The following HKDC1 variants were observed in gnomAD, a reference collection of about 807,000 sequenced individuals.
HKDC1 encodes hexokinase domain containing 1.
A neutral mutation model predicts 96.6 loss-of-function variants in HKDC1; 66 were observed. That is an observed-to-expected ratio of 0.68 (90% CI 0.56 to 0.84). HKDC1 has a LOEUF of 0.84. Among genes scored for constraint, HKDC1 ranks in the 40% least tolerant of loss-of-function variants. The pLI, the probability that HKDC1 is intolerant of heterozygous loss-of-function variation, is 0.00. For missense variants in HKDC1, 1,211 were observed against 1,208.1 expected, an observed-to-expected ratio of 1.00 and a Z score of -0.04; for synonymous variants, 466 against 473.1, an observed-to-expected ratio of 0.98 and a Z score of 0.20.
Position 69,250,400 on chromosome 10 carries a change from A to G in HKDC1, c.1681A>G (p.Ile561Val). 1 of 1,614,050 alleles carries G rather than the reference A, an allele frequency of 6.2e-7. No individual in the cohort carries two copies. Among genetic ancestry groups the G allele is most frequent in the South Asian group, 1.1e-5 (1 of 91,082 alleles). The change falls in exon 11 of 18, where the codon ATC (isoleucine) becomes GTC (valine). Residue 561 changes from isoleucine (I) to valine (V), a missense_variant. Ile to Val is a conservative substitution (Grantham distance 29, BLOSUM62 3). Coordinates refer to ENST00000354624, the MANE Select transcript of HKDC1 (RefSeq NM_025130.4). ...GCGAATGTACAACAAGATCTTCGCC[A>G]TCCCCCTGGAGATCATGCAGGGCAC... is the stretch of plus-strand genomic sequence containing the variant. ...SVRMYNKIFA[I>V]PLEIMQGTGE...
At position 69,243,214 on chromosome 10, in the gene HKDC1, A is replaced by G. The variant is rs771567736; in HGVS notation, c.724A>G (p.Met242Val). The G allele has an allele frequency of 6.8e-6, 11 of 1,614,264 alleles. No individual in the cohort carries two copies. In the East Asian group the frequency reaches 1.3e-4, roughly 20 times the overall value. The change falls in exon 7 of 18, where the codon ATG becomes GTG. Residue 242 changes from methionine (M) to valine (V), a missense_variant. Met to Val is a conservative substitution (Grantham distance 21). Coordinates refer to ENST00000354624, the MANE Select transcript of HKDC1 (RefSeq NM_025130.4). ...TGTNACYMEDMSNIDLVEGDE... is the reference protein window; with the variant it reads ...TGTNACYMEDVSNIDLVEGDE... ...CACCAATGCGTGTTACATGGAGGACATGAGCAACATTGACCTGGTGGAGGG... is the reference window on the plus strand; with the variant it reads ...CACCAATGCGTGTTACATGGAGGACGTGAGCAACATTGACCTGGTGGAGGG...
At chr10:69,248,271 C>G (rs1314908213) in intron 9 of HKDC1, among the ~76,000 whole-genome samples, 153 bp from the exon 10 acceptor site, 3 of 152,198 alleles carry the variant, frequency 2.0e-5, no homozygotes, top group Admixed American at 2.0e-4. Flanking sequence ...GTCCCTCCCT[C>G]CTCTCATCCC....
rs1167973866 is a variant in HKDC1, at chr10:69,220,416, A to G, written c.-20A>G. 1 of 1,591,292 alleles carries G rather than the reference A, an allele frequency of 6.3e-7. No individual in the cohort carries two copies. The highest frequency in any genetic ancestry group is 2.3e-5 in the East Asian group (1 of 43,534). Reference sequence around the variant, plus strand: ...CACAGGAATCTCTGCCCATCTCAGGAGAAACCAAACTTGGGGAAAATGTTT... The same window carrying G: ...CACAGGAATCTCTGCCCATCTCAGGGGAAACCAAACTTGGGGAAAATGTTT... On this transcript the variant is annotated 5_prime_UTR_variant, in exon 1 of 18. Coordinates refer to ENST00000354624, the MANE Select transcript of HKDC1 (RefSeq NM_025130.4).
At chr10:69,222,231 CAAAG>C (rs780806166) in intron 1 of HKDC1, among the ~76,000 whole-genome samples, 4 of 152,160 alleles carry the variant, frequency 2.6e-5, no homozygotes, top group Non-Finnish European at 4.4e-5. Flanking sequence ...CAAAACAAAA[CAAAG>C]AAAGAGAGAG....
At chr10:69,224,133 G>A (rs1046202220) in intron 1 of HKDC1, among the ~76,000 whole-genome samples, 13 of 151,382 alleles carry the variant, frequency 8.6e-5, no homozygotes, top group Admixed American at 7.9e-4. Context: ...ACTGGAGCCC[G>A]GGAGGTTGAG....
intron 16 of HKDC1, among the ~76,000 whole-genome samples, chr10:69,264,090 G>A (rs868741613): frequency 7.2e-5 from 11 of 152,018 alleles, no homozygotes; most frequent in Admixed American, 1.3e-4. Context: ...CCCAGGAAGC[G>A]GGTGAGCCGA....
At chr10:69,259,766 G>A (rs2132376907) in intron 15 of HKDC1, among the ~76,000 whole-genome samples, 1 of 152,218 alleles carries the variant, frequency 6.6e-6, no homozygotes, top group Admixed American at 6.5e-5. Context: ...AGAGTGAAGG[G>A]GGAGGCGTTA....
chr10:69,224,232 G>A (rs1843113798), intron 1 of HKDC1, among the ~76,000 whole-genome samples: 1 of 151,526 alleles, frequency 6.6e-6, no homozygotes, highest in African/African-American at 2.4e-5. Flanking sequence ...TAAAATAAAA[G>A]TATTGTTATG....
chr10:69,246,784 G>T (rs1843548744), intron 8 of HKDC1, among the ~76,000 whole-genome samples: 1 of 152,212 alleles, frequency 6.6e-6, no homozygotes, highest in Admixed American at 6.5e-5. Flanking sequence ...GCTGGCCCCG[G>T]TGTGACTGCA....
At position 69,243,244 on chromosome 10, in the gene HKDC1, G is replaced by C. The variant is rs138980146; in HGVS notation, c.754G>C (p.Glu252Gln). 1.4e-4 allele frequency: 232 copies of C among 1,614,192 alleles called. No individual in the cohort carries two copies. The East Asian group carries it at 5.1e-3, about 36-fold the overall frequency. Reference protein sequence around the residue: ...MSNIDLVEGDEGRMCINTEWG... With the variant: ...MSNIDLVEGDQGRMCINTEWG... ...CAACATTGACCTGGTGGAGGGCGAC[G>C]AGGGCAGGATGTGCATCAACACAGA... Residue 252 changes from glutamate (E) to glutamine (Q), a missense_variant, in exon 7 of 18, where the codon GAG (glutamate) becomes CAG (glutamine). Glu to Gln is a conservative substitution (Grantham distance 29, BLOSUM62 2). Coordinates refer to ENST00000354624, the MANE Select transcript of HKDC1 (RefSeq NM_025130.4).
chr10:69,240,688 A>G lies in HKDC1; in HGVS notation c.628A>G (p.Thr210Ala). The change falls in exon 6 of 18, where the codon ACC becomes GCC. Residue 210 changes from threonine (T) to alanine (A), a missense_variant. Transcript: ENST00000354624. ...DVDILALVND[T>A]VGTMMTCAYD... ...GGACATCCTGGCCCTGGTCAATGACACCGTGGGGACCATGATGACCTGTGC... is the reference window on the plus strand; with the variant it reads ...GGACATCCTGGCCCTGGTCAATGACGCCGTGGGGACCATGATGACCTGTGC... 6.2e-7 allele frequency: 1 copy of G among 1,614,068 alleles called. No individual in the cohort carries two copies. Among genetic ancestry groups the G allele is most frequent in the South Asian group, 1.1e-5 (1 of 91,072 alleles).
chr10:69,249,269 C>T (rs369129706), intron 10 of HKDC1, among the ~76,000 whole-genome samples: 11 of 152,152 alleles, frequency 7.2e-5, no homozygotes, highest in East Asian at 1.9e-4. Context: ...GAGACTCTTC[C>T]GGAAATAATG....
At chr10:69,236,253 GC>G (rs1843358886) in intron 4 of HKDC1, among the ~76,000 whole-genome samples, 1 of 151,152 alleles carries the variant, frequency 6.6e-6, no homozygotes, top group African/African-American at 2.4e-5. Flanking sequence ...TATTACAGGT[GC>G]CTGCCACCAC....
rs761189703 is a variant in HKDC1, at chr10:69,243,216, G to C, written c.726G>C (p.Met242Ile). The stretch of plus-strand genomic sequence containing the variant: ...CCAATGCGTGTTACATGGAGGACAT[G>C]AGCAACATTGACCTGGTGGAGGGCG... ...TGTNACYMED[M>I]SNIDLVEGDE... The change falls in exon 7 of 18, where the codon ATG (methionine) becomes ATC (isoleucine). Residue 242 changes from methionine to isoleucine, a missense_variant. Physicochemically the swap from Met to Ile is conservative, Grantham distance 10. Coordinates refer to ENST00000354624, the MANE Select transcript of HKDC1 (RefSeq NM_025130.4). The C allele has an allele frequency of 1.9e-6, 3 of 1,614,244 alleles. No homozygotes were observed. Among genetic ancestry groups the C allele is most frequent in the Admixed American group, 1.7e-5 (1 of 60,030 alleles).
At chr10:69,255,286 G>A (rs1029581188) in intron 12 of HKDC1, among the ~76,000 whole-genome samples, 3 of 152,206 alleles carry the variant, frequency 2.0e-5, no homozygotes, top group Non-Finnish European at 4.4e-5. Flanking sequence ...AGTAAGAGAG[G>A]TTTCCCAGTT....
Position 69,248,744 on chromosome 10 carries a change from C to T in HKDC1, c.1570+16C>T, listed in dbSNP as rs749625218. 2 of 1,579,046 alleles carry T rather than the reference C, an allele frequency of 1.3e-6. No individual in the cohort carries two copies. Among genetic ancestry groups the T allele is most frequent in the Non-Finnish European group, 1.7e-6 (2 of 1,159,274 alleles). ...GACGGCACAGGTGGGCCAGCACAGC[C>T]TCCCTCTCTGAACAGCCATCCAGGG... On this transcript the variant is annotated intron_variant, in intron 10 of 17. Coordinates refer to ENST00000354624, the MANE Select transcript of HKDC1 (RefSeq NM_025130.4).
intron 1 of HKDC1, chr10:69,223,038 G>C (rs577588954): frequency 6.6e-6 from 1 of 151,992 alleles, no homozygotes; most frequent in African/African-American, 2.4e-5. Context: ...TCCCATACCA[G>C]CATGGAAACA....
chr10:69,256,826 A>G (rs183798558), intron 12 of HKDC1, among the ~76,000 whole-genome samples: 5 of 152,298 alleles, frequency 3.3e-5, no homozygotes, highest in East Asian at 3.9e-4. Flanking sequence ...AATTGCTGCA[A>G]TGATTCCACT....
At chr10:69,229,066 A>C (rs1231184824) in intron 2 of HKDC1, among the ~76,000 whole-genome samples, 5 of 152,252 alleles carry the variant, frequency 3.3e-5, no homozygotes, top group African/African-American at 1.2e-4. Context: ...GCTGAGCCAC[A>C]TATTTCCTGT....
Sources: gnomAD v4.1 joint callset for allele counts (sites outside exome capture counted in the v4.1 genomes callset) on GRCh38, gnomAD v4.1.1 for gene constraint, MANE v1.5 for transcripts, NCBI Gene and HGNC (gene_info 2026-07-23, HGNC 2026-07-21) for gene names.